SLC9D1: variants seen among roughly 807,000 people sequenced by gnomAD.
The protein encoded by SLC9D1 is putative LAG1-interacting protein.
At chr13:113,536,123 A>G in the SLC9D1 span, among the ~76,000 whole-genome samples, 1 of 152,254 alleles carries the variant, frequency 6.6e-6, no homozygotes, top group Admixed American at 6.5e-5. Flanking sequence ...CACGCCTGTA[A>G]TCGCAGCACT....
At chr13:113,548,469 C>G in the SLC9D1 span, 12 of 1,594,110 alleles carry the variant, frequency 7.5e-6, no homozygotes, top group Middle Eastern at 2.3e-4. Flanking sequence ...GGCTTCCCCC[C>G]GCGGAGCGCT....
chr13:113,521,136 G>A, the SLC9D1 span, among the ~76,000 whole-genome samples: 1 of 152,048 alleles, frequency 6.6e-6, no homozygotes, highest in African/African-American at 2.4e-5. Context: ...GTGTGTGTAG[G>A]TAGGGTATAT....
the SLC9D1 span, chr13:113,549,572 G>C: frequency 6.2e-7 from 1 of 1,613,232 alleles, no homozygotes; most frequent in Non-Finnish European, 8.5e-7. Flanking sequence ...GAAGGGAAGC[G>C]TCTGTGGGGA....
the SLC9D1 span, among the ~76,000 whole-genome samples, chr13:113,540,608 T>A: frequency 2.6e-5 from 4 of 152,346 alleles, no homozygotes; most frequent in South Asian, 8.3e-4. Context: ...CAGATTTGTT[T>A]AAGTTCCTGA....
At chr13:113,515,072 T>C in the SLC9D1 span, among the ~76,000 whole-genome samples, 226 of 152,324 alleles carry the variant, frequency 1.5e-3, 1 homozygote, top group African/African-American at 5.0e-3. Context: ...AGTTGCAAGA[T>C]CTAAGCATTC....
chr13:113,494,284 T>C, the SLC9D1 span, among the ~76,000 whole-genome samples: 2 of 152,180 alleles, frequency 1.3e-5, no homozygotes, highest in Non-Finnish European at 2.9e-5. Context: ...TGACTGGTGA[T>C]CTCCTAGTGG....
the SLC9D1 span, among the ~76,000 whole-genome samples, chr13:113,495,318 G>A: frequency 8.7e-4 from 132 of 152,182 alleles, no homozygotes; most frequent in African/African-American, 3.0e-3. Context: ...ACCATACAAG[G>A]TACATCAACA....
At chr13:113,498,643 T>A in the SLC9D1 span, 3 of 741,276 alleles carry the variant, frequency 4.0e-6, no homozygotes, top group Non-Finnish European at 6.3e-6. Flanking sequence ...CAAACTAAAA[T>A]GCTTCTCTGT....
chr13:113,534,206 T>G, the SLC9D1 span: 1 of 1,614,110 alleles, frequency 6.2e-7, no homozygotes, highest in Non-Finnish European at 8.5e-7. Flanking sequence ...ATCCTGATCT[T>G]GGGAATATCT....
the SLC9D1 span, among the ~76,000 whole-genome samples, chr13:113,508,024 C>T: frequency 6.6e-6 from 1 of 152,262 alleles, no homozygotes; most frequent in Admixed American, 6.5e-5. Flanking sequence ...GATGCATGCA[C>T]GGGTCCCGTG....
the SLC9D1 span, among the ~76,000 whole-genome samples, chr13:113,518,745 T>C: frequency 6.6e-6 from 1 of 152,170 alleles, no homozygotes; most frequent in South Asian, 2.1e-4. Flanking sequence ...ACAATATTAG[T>C]TGGGAGGCAA....
the SLC9D1 span, among the ~76,000 whole-genome samples, chr13:113,494,863 C>T: frequency 6.6e-6 from 1 of 151,438 alleles, no homozygotes; most frequent in East Asian, 1.9e-4. Flanking sequence ...ATTTTCTGGG[C>T]TTCGATAACA....
the SLC9D1 span, chr13:113,520,585 A>G: frequency 6.6e-7 from 1 of 1,524,940 alleles, no homozygotes; most frequent in Admixed American, 1.7e-5. Context: ...GAGTTGTCGT[A>G]GACCTGTCTT....
the SLC9D1 span, chr13:113,501,605 A>G: frequency 1.6e-6 from 1 of 632,994 alleles, no homozygotes; most frequent in Non-Finnish European, 2.8e-6. Context: ...GATCCTCAGC[A>G]TGAGGAAAAT....
At chr13:113,498,230 G>A in the SLC9D1 span, 1 of 789,726 alleles carries the variant, frequency 1.3e-6, no homozygotes, top group African/African-American at 1.8e-5. Flanking sequence ...CCAGAATTAA[G>A]TTATTGACAT....
chr13:113,526,053 A>G, the SLC9D1 span, among the ~76,000 whole-genome samples: 1 of 151,644 alleles, frequency 6.6e-6, no homozygotes, highest in Non-Finnish European at 1.5e-5. Context: ...GTTATTCTAG[A>G]ACAAGCCGTC....
chr13:113,500,018 C>A, the SLC9D1 span: 1 of 1,588,884 alleles, frequency 6.3e-7, no homozygotes. Context: ...CAATTCTAAG[C>A]AAAATATAAC....
the SLC9D1 span, among the ~76,000 whole-genome samples, chr13:113,540,869 A>G: frequency 6.6e-6 from 1 of 152,070 alleles, no homozygotes; most frequent in East Asian, 1.9e-4. Context: ...AGTTTTTGTT[A>G]CACCTTGACT....
chr13:113,516,565 C>CAAAA, the SLC9D1 span, among the ~76,000 whole-genome samples: 2 of 87,032 alleles, frequency 2.3e-5, no homozygotes, highest in African/African-American at 5.3e-5. Context: ...GACTCCATCT[C>CAAAA]AAAAAAAAAA....
Sources: allele counts gnomAD v4.1 joint callset (sites outside exome capture counted in the v4.1 genomes callset), GRCh38; gene constraint gnomAD v4.1.1; transcripts MANE v1.5; gene names NCBI Gene and HGNC (gene_info 2026-07-23, HGNC 2026-07-21).